Variants in APBB2 observed in about 807,000 individuals in gnomAD.
APBB2 encodes the protein amyloid beta precursor protein binding family B member 2.
A neutral mutation model predicts 82.5 loss-of-function variants in APBB2; 38 were observed. The ratio of observed to expected loss-of-function variants is 0.46; its 90% CI spans 0.36 to 0.60. APBB2 has a LOEUF of 0.60. Ranked by LOEUF, APBB2 falls within the 20% of genes least tolerant of loss-of-function variation. APBB2 has a pLI of 0.00. For synonymous variants in APBB2, 341 were observed against 368.2 expected, an observed-to-expected ratio of 0.93 and a Z score of 0.85; for missense variants, 772 against 972.3, an observed-to-expected ratio of 0.79 and a Z score of 2.74.
At chr4:40,848,859 C>T (rs889855121) in intron 12 of APBB2, 38 of 985,216 alleles carry the variant, frequency 3.9e-5, no homozygotes, top group Non-Finnish European at 4.3e-5. Context: ...ATCATCACTG[C>T]CTCCAAAAGA....
chr4:40,999,683 C>T (rs1008760576), intron 6 of APBB2, among the ~76,000 whole-genome samples: 4 of 152,112 alleles, frequency 2.6e-5, no homozygotes, highest in Non-Finnish European at 5.9e-5. Flanking sequence ...CCAACCCAGA[C>T]CTACTGAATC....
At chr4:41,145,939 T>C (rs559368579) in intron 1 of APBB2, among the ~76,000 whole-genome samples, 50 of 152,264 alleles carry the variant, frequency 3.3e-4, no homozygotes, top group Non-Finnish European at 5.7e-4. Flanking sequence ...CTTGTAATCC[T>C]AGCACTTTGG....
chr4:40,948,890 C>CAAAAAAAAAAAAAAAAAAAAAAAA (rs59172492), intron 6 of APBB2, among the ~76,000 whole-genome samples: 4 of 101,612 alleles, frequency 3.9e-5, no homozygotes, highest in African/African-American at 1.6e-4. Flanking sequence ...ATCCTGTCTC[C>CAAAAAAAAAAAAAAAAAAAAAAAA]AAAAAAAAAA....
At chr4:40,857,278 C>T in intron 12 of APBB2, 1 of 637,438 alleles carries the variant, frequency 1.6e-6, no homozygotes, top group Non-Finnish European at 2.0e-6. Context: ...AGTGCTCCCG[C>T]TAGGTGCTCC....
chr4:41,003,693 G>A (rs969433677), intron 6 of APBB2, among the ~76,000 whole-genome samples: 3 of 152,066 alleles, frequency 2.0e-5, no homozygotes, highest in African/African-American at 4.8e-5. Context: ...CAAAGGGAGC[G>A]AGACCCTGAT....
At chr4:40,986,029 T>C (rs75334757) in intron 6 of APBB2, among the ~76,000 whole-genome samples, 5,199 of 152,324 alleles carry the variant, frequency 0.034, 129 homozygotes, top group Middle Eastern at 0.071. Context: ...CTAGTTCTAT[T>C]TGAAAAACCT....
chr4:40,987,379 A>G (rs1800670118), intron 6 of APBB2, among the ~76,000 whole-genome samples: 2 of 152,250 alleles, frequency 1.3e-5, no homozygotes, highest in Non-Finnish European at 1.5e-5. Flanking sequence ...ATGTAAAGTT[A>G]CACAATCATC....
chr4:41,166,519 A>G (rs1766659286), intron 1 of APBB2, among the ~76,000 whole-genome samples: 1 of 151,750 alleles, frequency 6.6e-6, no homozygotes, highest in Non-Finnish European at 1.5e-5. Context: ...TGGAGGCTGC[A>G]GTGAGCCAAG....
At chr4:40,823,205 A>G (rs189633567) in intron 16 of APBB2, among the ~76,000 whole-genome samples, 1 of 152,328 alleles carries the variant, frequency 6.6e-6, no homozygotes, top group East Asian at 1.9e-4. Flanking sequence ...CGAAACTGAG[A>G]TAATTTGGGC....
At chr4:40,965,921 AC>A (rs1443628589) in intron 6 of APBB2, among the ~76,000 whole-genome samples, 2 of 152,216 alleles carry the variant, frequency 1.3e-5, no homozygotes, top group Non-Finnish European at 2.9e-5. Flanking sequence ...ATTTTGAAGC[AC>A]TCATAACGTT....
intron 1 of APBB2, among the ~76,000 whole-genome samples, chr4:41,198,299 GAT>G: frequency 3.3e-5 from 5 of 152,176 alleles, no homozygotes; most frequent in South Asian, 4.1e-4. Context: ...GGAAAGCAGG[GAT>G]CCTGTCTGCC....
chr4:41,134,452 C>A, intron 2 of APBB2, among the ~76,000 whole-genome samples: 1 of 152,046 alleles, frequency 6.6e-6, no homozygotes, highest in East Asian at 1.9e-4. Context: ...GGCATGGTGG[C>A]GGGTGCCTGT....
At chr4:41,023,921 C>A (rs1003294420) in intron 5 of APBB2, among the ~76,000 whole-genome samples, 4 of 152,184 alleles carry the variant, frequency 2.6e-5, no homozygotes, top group Non-Finnish European at 5.9e-5. Context: ...TGTTACCCAA[C>A]TTCAAATTAT....
chr4:41,118,185 C>G (rs1229613707), intron 2 of APBB2: 1 of 152,156 alleles, frequency 6.6e-6, no homozygotes, highest in East Asian at 1.9e-4. Flanking sequence ...CGCACTCCAG[C>G]CTGGGTGATG....
intron 2 of APBB2, among the ~76,000 whole-genome samples, chr4:41,136,523 C>G (rs958724812): frequency 2.3e-4 from 35 of 152,046 alleles, no homozygotes; most frequent in Non-Finnish European, 2.9e-5. Flanking sequence ...GTAAAAGGGC[C>G]AGGTAACACA....
intron 7 of APBB2, among the ~76,000 whole-genome samples, chr4:40,938,427 C>T (rs1236123276): frequency 3.3e-5 from 5 of 152,168 alleles, no homozygotes; most frequent in African/African-American, 9.7e-5. Context: ...GGAGGGAATC[C>T]GATCATATAA....
rs1770242280 is a variant in APBB2, at chr4:40,886,300, GA to G, written c.1529+4063del. Among the ~76,000 whole-genome samples, 4 of 152,296 alleles carry G rather than the reference GA, an allele frequency of 2.6e-5. No homozygotes were observed. In the East Asian group the frequency reaches 7.7e-4, roughly 29 times the overall value. On this transcript the variant is annotated intron_variant, in intron 12 of 17. Coordinates refer to ENST00000508593, the MANE Select transcript of APBB2 (RefSeq NM_004307.2). Reference sequence around the variant, plus strand: ...TCAAGACCAGCCTGGCCAACATGGTGAAACCCTGTCTCTACTAAAAATACAA... The same window carrying G: ...TCAAGACCAGCCTGGCCAACATGGTGAACCCTGTCTCTACTAAAAATACAA...
chr4:41,113,448 C>T (rs1204307671), intron 2 of APBB2, among the ~76,000 whole-genome samples: 1 of 152,022 alleles, frequency 6.6e-6, no homozygotes, highest in Non-Finnish European at 1.5e-5. Flanking sequence ...ACTAAATTGT[C>T]ACTCATCTAG....
intron 2 of APBB2, among the ~76,000 whole-genome samples, chr4:41,111,224 AC>A (rs1749100369): frequency 6.6e-6 from 1 of 152,162 alleles, no homozygotes; most frequent in African/African-American, 2.4e-5. Context: ...CCTGCCACTC[AC>A]CTCCTGCTGT....
Sources: gnomAD v4.1 joint callset for allele counts (sites outside exome capture counted in the v4.1 genomes callset) on GRCh38, gnomAD v4.1.1 for gene constraint, MANE v1.5 for transcripts, NCBI Gene and HGNC (gene_info 2026-07-23, HGNC 2026-07-21) for gene names.